RELL1: variants seen among roughly 807,000 people sequenced by gnomAD.
RELL1 encodes the protein RELT-like protein 1.
A neutral mutation model predicts 23.0 loss-of-function variants in RELL1; 10 were observed. That is an observed-to-expected ratio of 0.43 (90% CI 0.27 to 0.74). The LOEUF is 0.74. Among genes scored for constraint, RELL1 ranks in the 30% least tolerant of loss-of-function variants. The probability of loss-of-function intolerance (pLI) is 0.19; values close to 1 mark genes in which losing one functional copy is unlikely to be tolerated. For synonymous variants in RELL1, 146 were observed against 146.8 expected, an observed-to-expected ratio of 0.99 and a Z score of 0.04; for missense variants, 315 against 364.4, an observed-to-expected ratio of 0.86 and a Z score of 1.10.
chr4:37,601,266 A>G (rs1266687056), intron 6 of RELL1, among the ~76,000 whole-genome samples: 2 of 152,220 alleles, frequency 1.3e-5, no homozygotes, highest in Non-Finnish European at 2.9e-5. Context: ...CTCAAAAGGC[A>G]AAATCCCCAT....
chr4:37,666,812 G>C (rs1721548305), intron 1 of RELL1, among the ~76,000 whole-genome samples: 1 of 152,196 alleles, frequency 6.6e-6, no homozygotes, highest in African/African-American at 2.4e-5. Context: ...ACAGGAAGCA[G>C]ATAATGACTA....
At chr4:37,678,865 T>C (rs1196472827) in intron 1 of RELL1, among the ~76,000 whole-genome samples, 1 of 152,166 alleles carries the variant, frequency 6.6e-6, no homozygotes, top group Non-Finnish European at 1.5e-5. Flanking sequence ...CTTTTATTAG[T>C]GGCTGGAATG....
At chr4:37,616,711 A>C (rs1021708163) in intron 6 of RELL1, among the ~76,000 whole-genome samples, 1 of 152,254 alleles carries the variant, frequency 6.6e-6, no homozygotes, top group African/African-American at 2.4e-5. Flanking sequence ...ATAGAGCTAC[A>C]TGACAGCAAT....
chr4:37,662,818 G>A (rs1721401734), intron 1 of RELL1, among the ~76,000 whole-genome samples: 1 of 151,842 alleles, frequency 6.6e-6, no homozygotes, highest in Non-Finnish European at 1.5e-5. Flanking sequence ...CGTCTTGGGA[G>A]GAAATTAACT....
At chr4:37,633,087 A>G (rs73230536) in intron 5 of RELL1, among the ~76,000 whole-genome samples, 29,189 of 152,174 alleles carry the variant, frequency 0.19, 3,436 homozygotes, top group Non-Finnish European at 0.26. Flanking sequence ...AATATCCAAG[A>G]AAGAGAGTTG....
In RELL1 at chr4:37,647,525, AAC is replaced by A. The variant is rs1268925501; in HGVS notation, c.314-88_314-87del. The A allele has an allele frequency of 9.0e-6, 8 of 893,420 alleles. No homozygotes were observed. The East Asian group carries it at 2.0e-4, about 23-fold the overall frequency. The allele number at this position is 893,420 out of a possible 1,614,324, so 55.3% of individuals were successfully genotyped here. A position where few individuals can be genotyped will look rare whatever the true frequency, so the allele number is the denominator to read the frequency against. On this transcript the variant is annotated intron_variant, in intron 2 of 6. Coordinates refer to ENST00000454158, the MANE Select transcript of RELL1 (RefSeq NM_001085400.2). ...AATCTTAGAACCCAAGACCTCACTGAACAGTTTCCAGAAGCCTCAGGAGATCA... is the reference window on the plus strand; with the variant it reads ...AATCTTAGAACCCAAGACCTCACTGAAGTTTCCAGAAGCCTCAGGAGATCA...
At chr4:37,640,527 G>A (rs764186154) in intron 3 of RELL1, among the ~76,000 whole-genome samples, 8 of 152,176 alleles carry the variant, frequency 5.3e-5, no homozygotes, top group Admixed American at 3.9e-4. Flanking sequence ...GTATCCATGC[G>A]GGGATGTTCC....
intron 4 of RELL1, among the ~76,000 whole-genome samples, chr4:37,636,999 T>C (rs1720354939): frequency 6.6e-6 from 1 of 152,138 alleles, no homozygotes; most frequent in Non-Finnish European, 1.5e-5. Flanking sequence ...CTTCCTGGAG[T>C]AAAATAATGT....
chr4:37,658,637 A>G (rs1721210220), intron 1 of RELL1, among the ~76,000 whole-genome samples: 1 of 152,200 alleles, frequency 6.6e-6, no homozygotes, highest in African/African-American at 2.4e-5. Flanking sequence ...AACACACTTT[A>G]TGTTACTCTC....
At chr4:37,590,263 A>G, downstream of RELL1, 1 of 1,614,192 alleles carries the variant, frequency 6.2e-7, no homozygotes, top group Non-Finnish European at 8.5e-7. Flanking sequence ...CAGCAGCAGG[A>G]CAGCTGATCC....
At chr4:37,671,773 TC>T (rs34828412) in intron 1 of RELL1, among the ~76,000 whole-genome samples, 119,107 of 152,106 alleles carry the variant, frequency 0.78, 49,567 homozygotes, top group Non-Finnish European at 0.92. Context: ...TCCTTTACTT[TC>T]CAATAACCTT....
chr4:37,627,608 GA>G (rs767608742), intron 6 of RELL1, among the ~76,000 whole-genome samples: 1 of 152,136 alleles, frequency 6.6e-6, no homozygotes, highest in Non-Finnish European at 1.5e-5. Context: ...GAAGGAACCA[GA>G]AGGGAGAGAG....
At chr4:37,635,193 T>C in intron 4 of RELL1, 70 bp from the exon 5 acceptor site, 1 of 1,232,108 alleles carries the variant, frequency 8.1e-7, no homozygotes, top group Non-Finnish European at 1.2e-6. Flanking sequence ...TCTCTCTCCC[T>C]GTGATGACAG....
chr4:37,677,147 T>C (rs566763470), intron 1 of RELL1, among the ~76,000 whole-genome samples: 11 of 152,314 alleles, frequency 7.2e-5, no homozygotes, highest in South Asian at 2.1e-4. Flanking sequence ...TTCTTCCTAG[T>C]CCTCCTCATC....
chr4:37,680,645 A>C (rs1211159610), intron 1 of RELL1, among the ~76,000 whole-genome samples: 1 of 152,198 alleles, frequency 6.6e-6, no homozygotes, highest in African/African-American at 2.4e-5. Context: ...TATGCGAGTT[A>C]AGAACGCAAT....
intron 6 of RELL1, among the ~76,000 whole-genome samples, chr4:37,615,505 T>C (rs1443549057): frequency 1.3e-5 from 2 of 152,164 alleles, no homozygotes; most frequent in Admixed American, 6.5e-5. Flanking sequence ...TCAGAAATCA[T>C]GTGTGGGTGG....
chr4:37,686,165 A>T (rs374006061), intron 1 of RELL1, 35 bp downstream of exon 1: 115 of 1,534,264 alleles, frequency 7.5e-5, no homozygotes, highest in Non-Finnish European at 9.2e-5. Context: ...GACCGGGCTC[A>T]GCACCCGGCG....
At chr4:37,601,654 A>G (rs1180213779) in intron 6 of RELL1, among the ~76,000 whole-genome samples, 2 of 152,260 alleles carry the variant, frequency 1.3e-5, no homozygotes, top group Non-Finnish European at 2.9e-5. Context: ...CACCATGGCC[A>G]GGCCTTCTGG....
chr4:37,607,708 T>G (rs1472502798), downstream of RELL1, among the ~76,000 whole-genome samples: 1 of 151,846 alleles, frequency 6.6e-6, no homozygotes, highest in Non-Finnish European at 1.5e-5. Flanking sequence ...GCCTCCCAAG[T>G]AGCTGGGGAT....
Sources: gnomAD v4.1 joint callset for allele counts (sites outside exome capture counted in the v4.1 genomes callset) on GRCh38, gnomAD v4.1.1 for gene constraint, MANE v1.5 for transcripts, NCBI Gene and HGNC (gene_info 2026-07-23, HGNC 2026-07-21) for gene names.